The following TASP1 variants were observed in gnomAD, a reference collection of about 807,000 sequenced individuals.
The protein encoded by TASP1 is taspase 1, also known as threonine aspartase 1.
A neutral mutation model predicts 56.6 loss-of-function variants in TASP1; 16 were observed. The observed-to-expected ratio is 0.28, with a 90% CI of 0.19 to 0.43. TASP1 has a LOEUF of 0.43. TASP1 is among the 20% of genes least tolerant of loss of function. TASP1 has a pLI of 1.00. For missense variants in TASP1, 393 were observed against 511.6 expected (o/e 0.77, Z 2.24); for synonymous variants, 179 against 184.2 (o/e 0.97, Z 0.23).
intron 4 of TASP1, among the ~76,000 whole-genome samples, chr20:13,613,263 T>C (rs895208666): frequency 6.6e-6 from 1 of 152,196 alleles, no homozygotes; most frequent in African/African-American, 2.4e-5. Flanking sequence ...TTTATTATCA[T>C]GGGACTACAG....
chr20:13,629,031 G>A (rs1309698175), intron 2 of TASP1, among the ~76,000 whole-genome samples: 1 of 152,146 alleles, frequency 6.6e-6, no homozygotes, highest in African/African-American at 2.4e-5. Context: ...AGTCTCTTAA[G>A]TCACTTAATC....
At chr20:13,448,653 A>C (rs1300451531) in intron 11 of TASP1, among the ~76,000 whole-genome samples, 1 of 152,116 alleles carries the variant, frequency 6.6e-6, no homozygotes, top group Non-Finnish European at 1.5e-5. Flanking sequence ...CTTGTACATA[A>C]TTTAAAAGGA....
chr20:13,222,806 T>C, the TASP1 span, among the ~76,000 whole-genome samples: 2 of 152,144 alleles, frequency 1.3e-5, no homozygotes, highest in African/African-American at 2.4e-5. Context: ...AACTGTAAAC[T>C]TGGAGCATAG....
chr20:13,391,053 C>G lies in TASP1; in HGVS notation c.1171-601G>C, dbSNP rs147124474. Reference sequence around the variant, plus strand: ...GTTTGGTACCCGTGCCAGAGGCAAGCCTGCTGCCCTGTCTCTCAGTTTCCT... The same window carrying G: ...GTTTGGTACCCGTGCCAGAGGCAAGGCTGCTGCCCTGTCTCTCAGTTTCCT... On this transcript the variant is annotated intron_variant, in intron 13 of 13. Coordinates refer to ENST00000337743, the MANE Select transcript of TASP1 (RefSeq NM_017714.3). Among the ~76,000 whole-genome samples, 189 of 152,258 alleles carry G rather than the reference C, an allele frequency of 1.2e-3. 1 individual carries two copies. The highest frequency in any genetic ancestry group is 3.5e-3 in the African/African-American group (147 of 41,560).
rs368102077 is a variant in TASP1, at chr20:13,569,512, G to A, written c.563C>T (p.Thr188Ile). 1.4e-5 allele frequency: 23 copies of A among 1,611,478 alleles called. No individual in the cohort carries two copies. The highest frequency in any genetic ancestry group is 5.0e-5 in the Admixed American group (3 of 59,930). ...TTTTTTAAGTTTTTACTCACTTGTG[G>A]TCATGATGTTAGGAGGGCAAGAGGG... ...GIPSCPPNIM[T>I]TRFSLAAFKR... is the part of the protein sequence containing the mutation. Residue 188 changes from threonine (T) to isoleucine (I), a missense_variant, in exon 7 of 14, where the codon ACC becomes ATC. This residue lies in a region of TASP1 where 293 missense variants were observed against 354.2 expected (regional missense o/e 0.83). Coordinates refer to ENST00000337743, the MANE Select transcript of TASP1 (RefSeq NM_017714.3).
chr20:13,366,972 G>A, the TASP1 span, among the ~76,000 whole-genome samples: 1 of 152,116 alleles, frequency 6.6e-6, no homozygotes, highest in East Asian at 1.9e-4. Context: ...AGTACCAAAT[G>A]CTACCACCAT....
the TASP1 span, among the ~76,000 whole-genome samples, chr20:13,194,311 T>C: frequency 1.3e-5 from 2 of 152,154 alleles, no homozygotes; most frequent in Admixed American, 6.5e-5. Flanking sequence ...GGTGAATACA[T>C]TGTGCAAAAG....
At chr20:13,347,609 C>T in the TASP1 span, among the ~76,000 whole-genome samples, 1 of 152,198 alleles carries the variant, frequency 6.6e-6, no homozygotes, top group Non-Finnish European at 1.5e-5. Context: ...GAGGCCGAGG[C>T]AGGTGGATCA....
chr20:13,483,113 T>C (rs1176348268), intron 11 of TASP1, 114 bp downstream of exon 11: 1 of 695,188 alleles, frequency 1.4e-6, no homozygotes, highest in African/African-American at 1.8e-5. Flanking sequence ...TCTTTTCCTC[T>C]GCTAGACCCT....
chr20:13,123,447 A>T, the TASP1 span, among the ~76,000 whole-genome samples: 1 of 152,176 alleles, frequency 6.6e-6, no homozygotes, highest in Non-Finnish European at 1.5e-5. Context: ...CTCCGAGGTA[A>T]GTATTACTAT....
chr20:13,504,236 A>G lies in TASP1; in HGVS notation c.875-20899T>C, dbSNP rs938445003. 6.6e-5 allele frequency among the ~76,000 whole-genome samples: 10 copies of G among 152,256 alleles called. No homozygotes were observed. In the East Asian group the frequency reaches 1.9e-3, roughly 29 times the overall value. ...GCTCATCACATACAAGAAAATTCCC[A>G]AAGGTGTCAACAGATTTCTCAGTAG... On this transcript the variant is annotated intron_variant, in intron 10 of 13. Transcript: ENST00000337743.
the TASP1 span, among the ~76,000 whole-genome samples, chr20:13,353,457 C>T: frequency 6.6e-6 from 1 of 152,190 alleles, no homozygotes; most frequent in Non-Finnish European, 1.5e-5. Flanking sequence ...ATGGGTTTCA[C>T]ATGCTAGTTA....
At chr20:13,496,314 C>A (rs2043726311) in intron 10 of TASP1, among the ~76,000 whole-genome samples, 1 of 152,130 alleles carries the variant, frequency 6.6e-6, no homozygotes, top group Non-Finnish European at 1.5e-5. Flanking sequence ...CTTGGCCTCC[C>A]AAAGTGCTGG....
the TASP1 span, among the ~76,000 whole-genome samples, chr20:13,358,258 A>G: frequency 6.6e-6 from 1 of 152,144 alleles, no homozygotes; most frequent in African/African-American, 2.4e-5. Context: ...GCCCGCCTGC[A>G]CCCAGGTGAA....
chr20:13,200,564 T>C, the TASP1 span, among the ~76,000 whole-genome samples: 1 of 152,196 alleles, frequency 6.6e-6, no homozygotes, highest in Non-Finnish European at 1.5e-5. Context: ...ATATCTGTGG[T>C]TGGAAAAAGC....
the TASP1 span, among the ~76,000 whole-genome samples, chr20:13,336,738 A>G: frequency 6.7e-6 from 1 of 149,706 alleles, no homozygotes; most frequent in Non-Finnish European, 1.5e-5. Flanking sequence ...TTTTCTGCCT[A>G]AAAAGTGAGA....
chr20:13,498,796 CAA>C (rs34158191), intron 10 of TASP1, among the ~76,000 whole-genome samples: 89,869 of 129,904 alleles, frequency 0.69, 28,693 homozygotes, highest in Non-Finnish European at 0.71. Context: ...ATAAAAAAGG[CAA>C]AAAAAAAAAA....
chr20:13,132,578 C>G, the TASP1 span, among the ~76,000 whole-genome samples: 4 of 152,290 alleles, frequency 2.6e-5, no homozygotes, highest in East Asian at 7.7e-4. Flanking sequence ...AGAACAAGCA[C>G]TTTGCCTATT....
chr20:13,382,411 C>A, the TASP1 span, among the ~76,000 whole-genome samples: 4 of 152,188 alleles, frequency 2.6e-5, no homozygotes, highest in East Asian at 7.7e-4. Context: ...CTTTGGGAGG[C>A]CAAGGTGGGA....
Sources: gnomAD v4.1 joint callset for allele counts (sites outside exome capture counted in the v4.1 genomes callset) on GRCh38, gnomAD v4.1.1 for gene constraint, gnomAD v4.1.1 regional missense constraint, MANE v1.5 for transcripts, NCBI Gene and HGNC (gene_info 2026-07-23, HGNC 2026-07-21) for gene names.